SLCO3A1: variants seen among roughly 807,000 people sequenced by gnomAD.
SLCO3A1 encodes the protein PGE1 transporter.
Under a neutral mutation model 63.1 loss-of-function variants are expected in SLCO3A1, and 27 were observed. The observed-to-expected ratio is 0.43, with a 90% CI of 0.32 to 0.59. SLCO3A1 has a LOEUF of 0.59. Among genes scored for constraint, SLCO3A1 ranks in the 20% least tolerant of loss-of-function variants. SLCO3A1 has a pLI of 0.09. For synonymous variants in SLCO3A1, 473 were observed against 409.9 expected (o/e 1.15, Z -1.86); for missense variants, 773 against 945.8 (o/e 0.82, Z 2.40).
At chr15:91,911,676 G>A (rs865868057) in intron 1 of SLCO3A1, among the ~76,000 whole-genome samples, 1 of 152,034 alleles carries the variant, frequency 6.6e-6, no homozygotes, top group Non-Finnish European at 1.5e-5. Flanking sequence ...ACCAAGGCTG[G>A]AGTGCAGTGG....
chr15:91,889,727 G>T (rs1294389848), intron 1 of SLCO3A1, among the ~76,000 whole-genome samples: 1 of 152,232 alleles, frequency 6.6e-6, no homozygotes, highest in Non-Finnish European at 1.5e-5. Flanking sequence ...GGCCATTAAG[G>T]TGAAAGTATG....
intron 7 of SLCO3A1, among the ~76,000 whole-genome samples, chr15:92,145,513 A>AGGAGGCATGTAAAGGTCTCTGCT (rs2048210416): frequency 6.6e-6 from 1 of 152,186 alleles, no homozygotes; most frequent in Admixed American, 6.5e-5. Context: ...TGTCTCCTCC[A>AGGAGGCATGTAAAGGTCTCTGCT]GGAGGCATGT....
chr15:91,864,432 T>C (rs1221006715), intron 1 of SLCO3A1, among the ~76,000 whole-genome samples: 1 of 152,020 alleles, frequency 6.6e-6, no homozygotes, highest in Non-Finnish European at 1.5e-5. Flanking sequence ...AATAAAAATA[T>C]TGTTTTGGTG....
intron 9 of SLCO3A1, among the ~76,000 whole-genome samples, chr15:92,155,743 C>T (rs749865766): frequency 3.9e-5 from 6 of 152,082 alleles, no homozygotes; most frequent in Non-Finnish European, 5.9e-5. Flanking sequence ...CCAACCCAAC[C>T]GACCTAAGTG....
At chr15:92,090,706 G>A (rs554984651) in intron 2 of SLCO3A1, among the ~76,000 whole-genome samples, 14 of 152,284 alleles carry the variant, frequency 9.2e-5, no homozygotes, top group Admixed American at 3.3e-4. Context: ...AAGAAATGAG[G>A]TATGGAGGGT....
intron 1 of SLCO3A1, among the ~76,000 whole-genome samples, chr15:91,898,279 G>A (rs985005902): frequency 6.6e-6 from 1 of 152,208 alleles, no homozygotes; most frequent in Non-Finnish European, 1.5e-5. Context: ...GAGAGACAAT[G>A]CCTCTATTCT....
chr15:92,085,438 G>A (rs774316543), intron 2 of SLCO3A1, among the ~76,000 whole-genome samples: 6 of 152,202 alleles, frequency 3.9e-5, no homozygotes, highest in Non-Finnish European at 8.8e-5. Flanking sequence ...CAAGTGCCCC[G>A]GGGCGAGCTG....
chr15:92,143,914 T>A (rs756157966), intron 7 of SLCO3A1, among the ~76,000 whole-genome samples: 1 of 152,020 alleles, frequency 6.6e-6, no homozygotes, highest in Non-Finnish European at 1.5e-5. Context: ...GCTCAGGAGA[T>A]CTGATGGGCA....
intron 2 of SLCO3A1, among the ~76,000 whole-genome samples, chr15:92,007,552 G>C (rs2046326017): frequency 6.6e-6 from 1 of 152,176 alleles, no homozygotes; most frequent in Non-Finnish European, 1.5e-5. Context: ...GTGGCAGAAG[G>C]GCTTGGGTTG....
chr15:92,130,671 G>T (rs1280879123), intron 7 of SLCO3A1, among the ~76,000 whole-genome samples: 2 of 152,034 alleles, frequency 1.3e-5, no homozygotes, highest in East Asian at 3.9e-4. Flanking sequence ...CAGGTAATGG[G>T]GCCTTCCGTG....
intron 9 of SLCO3A1, among the ~76,000 whole-genome samples, chr15:92,156,252 C>T (rs569183784): frequency 2.6e-5 from 4 of 152,268 alleles, no homozygotes; most frequent in East Asian, 1.9e-4. Flanking sequence ...TGAGATACGG[C>T]GGTGGGATGC....
chr15:91,857,039 T>TGTGTGTGTGG (rs1896939865), intron 1 of SLCO3A1, among the ~76,000 whole-genome samples: 1 of 120,732 alleles, frequency 8.3e-6, no homozygotes, highest in Non-Finnish European at 1.5e-5. Context: ...CGTGTGTGTG[T>TGTGTGTGTGG]GTGTGTGTGT....
intron 7 of SLCO3A1, among the ~76,000 whole-genome samples, chr15:92,141,280 A>C (rs911044409): frequency 1.2e-4 from 18 of 152,332 alleles, no homozygotes; most frequent in African/African-American, 4.1e-4. Context: ...AAATGGGGTC[A>C]TTTGCCAATT....
intron 2 of SLCO3A1, among the ~76,000 whole-genome samples, chr15:92,028,908 A>AGTGTGTGTGTGTGT (rs61238614): frequency 0.052 from 6,201 of 120,028 alleles, 346 homozygotes; most frequent in East Asian, 0.14. Flanking sequence ...TGCAGGCACA[A>AGTGTGTGTGTGTGT]GTGTGTGTGT....
chr15:92,114,387 C>T (rs992820910), intron 4 of SLCO3A1, among the ~76,000 whole-genome samples: 3 of 152,080 alleles, frequency 2.0e-5, no homozygotes, highest in Non-Finnish European at 2.9e-5. Context: ...TCTTACGGGG[C>T]GTGGTGCTCA....
intron 2 of SLCO3A1, among the ~76,000 whole-genome samples, chr15:91,974,265 G>GTTATTATTA (rs56317875): frequency 0.15 from 21,222 of 142,810 alleles, 1,821 homozygotes; most frequent in East Asian, 0.27. Flanking sequence ...TTTCATTATT[G>GTTATTATTA]TTATTATTAT....
At chr15:91,896,909 G>T (rs1364916866) in intron 1 of SLCO3A1, among the ~76,000 whole-genome samples, 4 of 152,160 alleles carry the variant, frequency 2.6e-5, no homozygotes, top group Non-Finnish European at 5.9e-5. Flanking sequence ...ATGTCTCATT[G>T]ATACCAGCCT....
At chr15:91,926,350 G>T (rs1255895593) in intron 2 of SLCO3A1, among the ~76,000 whole-genome samples, 1 of 152,186 alleles carries the variant, frequency 6.6e-6, no homozygotes. Flanking sequence ...GCGTATGTGG[G>T]CAGGAGCATG....
chr15:91,974,566 C>G (rs570486276), intron 2 of SLCO3A1, among the ~76,000 whole-genome samples: 1 of 151,460 alleles, frequency 6.6e-6, no homozygotes, highest in Middle Eastern at 3.4e-3. Flanking sequence ...AAGGTGCCAG[C>G]GGGCAGAGCC....
Sources: allele counts gnomAD v4.1 joint callset (sites outside exome capture counted in the v4.1 genomes callset), GRCh38; gene constraint gnomAD v4.1.1; transcripts MANE v1.5; gene names NCBI Gene and HGNC (gene_info 2026-07-23, HGNC 2026-07-21).